The following MECOM variants were observed in gnomAD, a reference collection of about 807,000 sequenced individuals.
MECOM encodes MDS1 and EVI1 complex locus.
In MECOM, 13 loss-of-function variants were observed where a neutral mutation model predicts 116.3. The ratio of observed to expected loss-of-function variants is 0.11; its 90% CI spans 0.07 to 0.18. The LOEUF is 0.18. MECOM is among the 10% of genes least tolerant of loss of function. The pLI, the probability that MECOM is intolerant of heterozygous loss-of-function variation, is 1.00. For synonymous variants in MECOM, 528 were observed against 535.2 expected (o/e 0.99, Z 0.19); for missense variants, 1,299 against 1,509.0 (o/e 0.86, Z 2.31).
intron 2 of MECOM, among the ~76,000 whole-genome samples, chr3:169,307,737 C>T (rs1560112306): frequency 6.6e-6 from 1 of 152,040 alleles, no homozygotes; most frequent in African/African-American, 2.4e-5. Context: ...AGTGAAAAGC[C>T]TCCCTACCAT....
At chr3:169,511,007 T>C (rs149870049) in intron 1 of MECOM, among the ~76,000 whole-genome samples, 1 of 152,320 alleles carries the variant, frequency 6.6e-6, no homozygotes, top group Non-Finnish European at 1.5e-5. Flanking sequence ...CCTGTTAAAA[T>C]AGGGACCTGT....
At chr3:169,653,816 G>C (rs961816317) in intron 1 of MECOM, among the ~76,000 whole-genome samples, 1 of 152,154 alleles carries the variant, frequency 6.6e-6, no homozygotes, top group Non-Finnish European at 1.5e-5. Flanking sequence ...GGCACAAAAA[G>C]GTTACATGGC....
intron 1 of MECOM, among the ~76,000 whole-genome samples, chr3:169,542,155 T>C (rs1212206050): frequency 6.6e-6 from 1 of 152,218 alleles, no homozygotes; most frequent in Non-Finnish European, 1.5e-5. Flanking sequence ...CTAAAACGCA[T>C]TGAAAGTTTT....
chr3:169,551,641 C>G (rs943404606), intron 1 of MECOM, among the ~76,000 whole-genome samples: 5 of 152,168 alleles, frequency 3.3e-5, no homozygotes, highest in African/African-American at 1.2e-4. Flanking sequence ...TTTCAAGACA[C>G]TTTGGCACTT....
intron 2 of MECOM, among the ~76,000 whole-genome samples, chr3:169,220,967 A>T (rs536210912): frequency 1.3e-5 from 2 of 152,352 alleles, no homozygotes; most frequent in East Asian, 1.9e-4. Flanking sequence ...GAAAGTAGGA[A>T]GAAAATCGAA....
chr3:169,230,304 T>A (rs1753220997), intron 2 of MECOM, among the ~76,000 whole-genome samples: 1 of 152,130 alleles, frequency 6.6e-6, no homozygotes, highest in South Asian at 2.1e-4. Context: ...AGCTTTTTTC[T>A]TTCTTGAGAT....
chr3:169,144,113 A>T (rs991725745), intron 2 of MECOM, among the ~76,000 whole-genome samples: 2 of 152,224 alleles, frequency 1.3e-5, no homozygotes, highest in Non-Finnish European at 2.9e-5. Flanking sequence ...TGCTAATTTT[A>T]TCCAATGTGA....
chr3:169,422,589 T>G (rs1349776620), intron 1 of MECOM, among the ~76,000 whole-genome samples: 1 of 152,066 alleles, frequency 6.6e-6, no homozygotes, highest in Non-Finnish European at 1.5e-5. Context: ...GGAAAGGAAT[T>G]TATGTCATTT....
At chr3:169,571,125 T>C (rs140011452) in intron 1 of MECOM, among the ~76,000 whole-genome samples, 10,686 of 152,278 alleles carry the variant, frequency 0.07, 789 homozygotes, top group African/African-American at 0.19. Flanking sequence ...CTTAAGCTGA[T>C]AGGCAACTTC....
At chr3:169,188,270 G>T (rs1403619815) in intron 2 of MECOM, among the ~76,000 whole-genome samples, 1 of 151,744 alleles carries the variant, frequency 6.6e-6, no homozygotes, top group East Asian at 1.9e-4. Context: ...GCAAGAAACA[G>T]GATGAAATGG....
intron 1 of MECOM, among the ~76,000 whole-genome samples, chr3:169,425,488 G>A (rs1265433693): frequency 1.3e-5 from 2 of 152,114 alleles, no homozygotes; most frequent in South Asian, 2.1e-4. Context: ...GCAAGAAAAT[G>A]TATCTAATAA....
chr3:169,404,996 T>C (rs1736466932), intron 1 of MECOM, among the ~76,000 whole-genome samples: 1 of 152,154 alleles, frequency 6.6e-6, no homozygotes, highest in African/African-American at 2.4e-5. Context: ...TGTTCCATGA[T>C]ATGATTTAGC....
At chr3:169,159,170 C>A (rs572005665) in intron 2 of MECOM, among the ~76,000 whole-genome samples, 2 of 152,292 alleles carry the variant, frequency 1.3e-5, no homozygotes, top group Admixed American at 1.3e-4. Flanking sequence ...TCCTGCTAGA[C>A]CATAGCCTTC....
At chr3:169,088,188 C>T (rs1718455406) in intron 16 of MECOM, among the ~76,000 whole-genome samples, 1 of 152,296 alleles carries the variant, frequency 6.6e-6, no homozygotes, top group African/African-American at 2.4e-5. Flanking sequence ...AATTAGACCA[C>T]AGTGCCCAAT....
At chr3:169,607,696 C>T (rs763625537) in intron 1 of MECOM, among the ~76,000 whole-genome samples, 1 of 152,262 alleles carries the variant, frequency 6.6e-6, no homozygotes, top group Non-Finnish European at 1.5e-5. Flanking sequence ...CGTACAAACA[C>T]ACACCCTTTA....
At position 169,220,739 on chromosome 3, in the gene MECOM, T is replaced by C. The variant is rs547209806; in HGVS notation, c.376-76907A>G. Among the ~76,000 whole-genome samples, 5 of 152,272 alleles carry C rather than the reference T, an allele frequency of 3.3e-5. No homozygotes were observed. The South Asian group carries it at 1.0e-3, about 32-fold the overall frequency. On this transcript the variant is annotated intron_variant, in intron 2 of 16. Coordinates refer to ENST00000651503, the MANE Select transcript of MECOM (RefSeq NM_004991.4). ...ATCCACCCACCTGGGTCTTCCAAAA[T>C]GCTGGGATTACAGGCTTAAGCCACC...
chr3:169,223,130 AT>A (rs11360204), intron 2 of MECOM, among the ~76,000 whole-genome samples: 124,448 of 150,624 alleles, frequency 0.83, 51,373 homozygotes, highest in East Asian at 0.87. Flanking sequence ...AAAGTCCTAT[AT>A]TTTTTTTTTT....
chr3:169,170,979 G>A (rs528922231), intron 2 of MECOM, among the ~76,000 whole-genome samples: 2 of 152,004 alleles, frequency 1.3e-5, no homozygotes, highest in South Asian at 2.1e-4. Context: ...ACCCCAAAAT[G>A]GATATTCTGC....
At chr3:169,479,984 A>T (rs1751043664) in intron 1 of MECOM, among the ~76,000 whole-genome samples, 1 of 152,234 alleles carries the variant, frequency 6.6e-6, no homozygotes, top group Non-Finnish European at 1.5e-5. Flanking sequence ...AAGAGGCCTG[A>T]ATGCTAATCC....
Sources: gnomAD v4.1 joint callset for allele counts (sites outside exome capture counted in the v4.1 genomes callset) on GRCh38, gnomAD v4.1.1 for gene constraint, MANE v1.5 for transcripts, NCBI Gene and HGNC (gene_info 2026-07-23, HGNC 2026-07-21) for gene names.